DNAAF2: variants seen among roughly 807,000 people sequenced by gnomAD.
DNAAF2 encodes protein kintoun.
Under a neutral mutation model 48.8 loss-of-function variants are expected in DNAAF2, and 58 were observed. That is an observed-to-expected ratio of 1.19 (90% CI 0.96 to 1.48). DNAAF2 has a LOEUF of 1.48. DNAAF2 is among the 40% of genes most tolerant of loss of function. The pLI is 0.00. For missense variants in DNAAF2, 1,241 were observed against 1,116.1 expected (o/e 1.11, Z -1.59); for synonymous variants, 567 against 481.2 (o/e 1.18, Z -2.33).
rs776941259 is a variant in DNAAF2, at chr14:49,634,505, C to T, written c.645G>A (p.Gly215=). ...AGTCCGGGAGAGGACCCTTCGGCTC[C>T]CCGTCAGGCCTTGCGGGGATGACCC... ...LPGVIPARPD[G]EPKGPLPDFP... is the part of the protein sequence containing the mutation. Residue 215 remains glycine (G), a synonymous_variant, in exon 1 of 3, where the codon GGG becomes GGA. Transcript: ENST00000298292. 11 of 1,597,256 alleles carry T rather than the reference C, an allele frequency of 6.9e-6. No individual in the cohort carries two copies. The highest frequency in any genetic ancestry group is 6.8e-6 in the Non-Finnish European group (8 of 1,177,796).
chr14:49,629,289 T>A (rs2139575489), intron 1 of DNAAF2: 1 of 152,866 alleles, frequency 6.5e-6, no homozygotes, highest in East Asian at 1.9e-4. Flanking sequence ...TTTTCTTTTT[T>A]TTGCCTTGAG....
At chr14:49,626,104 T>C (rs1882999392) in intron 2 of DNAAF2, 56 bp from the exon 3 acceptor site, 1 of 1,302,760 alleles carries the variant, frequency 7.7e-7, no homozygotes, top group Non-Finnish European at 9.9e-7. Flanking sequence ...AAAATTAAAT[T>C]GTACTACCCT....
rs1327825114 is a variant in DNAAF2, at chr14:49,626,014, C to T, written c.2042G>A (p.Gly681Glu). 4 of 1,561,198 alleles carry T rather than the reference C, an allele frequency of 2.6e-6. No individual in the cohort carries two copies. The East Asian group carries it at 6.8e-5, about 27-fold the overall frequency. ...TTCTTCATTTACTCTTTCCTCCTTT[C>T]CTTGTAGCTGATCAGAGTTACTACA... is the stretch of plus-strand genomic sequence containing the variant. ...QECSNSDQLQ[G>E]KEERVNEESH... The change falls in exon 3 of 3, where the codon GGA becomes GAA. Residue 681 changes from glycine to glutamate, a missense_variant. By Grantham distance (98) the Gly-to-Glu change is moderately conservative. Coordinates refer to ENST00000298292, the MANE Select transcript of DNAAF2 (RefSeq NM_018139.3).
chr14:49,634,839 C>A lies in DNAAF2; in HGVS notation c.311G>T (p.Arg104Leu). Reference protein sequence around the residue: ...SNALVGAPSSRPGSGGDRGAA... With the variant: ...SNALVGAPSSLPGSGGDRGAA... ...GCCCCGGTCGCCACCGGAGCCGGGC[C>A]GGCTGCTGGGCGCGCCCACCAACGC... is the stretch of plus-strand genomic sequence containing the variant. The change falls in exon 1 of 3, where the codon CGG becomes CTG. Residue 104 changes from arginine to leucine, a missense_variant. Physicochemically the swap from Arg to Leu is moderately radical, Grantham distance 102. Coordinates refer to ENST00000298292, the MANE Select transcript of DNAAF2 (RefSeq NM_018139.3). 5.2e-6 allele frequency: 8 copies of A among 1,545,482 alleles called. No homozygotes were observed. The highest frequency in any genetic ancestry group is 7.0e-6 in the Non-Finnish European group (8 of 1,145,990).
rs1566512189 is a variant in DNAAF2 at position 49,633,990 on chromosome 14, T to C, written c.1160A>G (p.Glu387Gly). 7.9e-6 allele frequency: 12 copies of C among 1,523,500 alleles called. No individual in the cohort carries two copies. The highest frequency in any genetic ancestry group is 7.9e-6 in the Non-Finnish European group (9 of 1,142,072). 94.4% of individuals were successfully genotyped at this position (1,523,500 alleles called of 1,614,324 possible). A position where few individuals can be genotyped will look rare whatever the true frequency, so the allele number is the denominator to read the frequency against. ...GQACASAREG[E>G]AGPARSRAED... ...CGCGCGACTCCTCGCGGGTCCCGCC[T>C]CCCCCTCGCGAGCGGAAGCGCAGGC... is the stretch of plus-strand genomic sequence containing the variant. Residue 387 changes from glutamate (E) to glycine (G), a missense_variant, in exon 1 of 3, where the codon GAG becomes GGG. By Grantham distance (98) the Glu-to-Gly change is moderately conservative. Transcript: ENST00000298292.
chr14:49,634,991 C>A lies in DNAAF2; in HGVS notation c.159G>T (p.Glu53Asp). Residue 53 changes from glutamate (E) to aspartate (D), a missense_variant, in exon 1 of 3, where the codon GAG (glutamate) becomes GAT (aspartate). Physicochemically the swap from Glu to Asp is conservative, Grantham distance 45 (BLOSUM62 2). Transcript: ENST00000298292. Reference protein sequence around the residue: ...LTDPENRRRYEAEITALERER... With the variant: ...LTDPENRRRYDAEITALERER... The stretch of plus-strand genomic sequence containing the variant: ...CACGCTCTAGCGCGGTGATCTCCGC[C>A]TCGTAGCGCCGCCGGTTCTCCGGGT... The A allele has an allele frequency of 6.4e-7, 1 of 1,564,242 alleles. No individual in the cohort carries two copies.
At chr14:49,632,840 C>T (rs1024804263) in intron 1 of DNAAF2, among the ~76,000 whole-genome samples, 17 of 152,210 alleles carry the variant, frequency 1.1e-4, no homozygotes, top group Admixed American at 1.0e-3. Context: ...AAAAAAATTA[C>T]ATGTAACATT....
chr14:49,630,730 ACAAACTCTCTACAC>A (rs1566510089), intron 1 of DNAAF2, among the ~76,000 whole-genome samples: 3 of 72,604 alleles, frequency 4.1e-5, no homozygotes, highest in African/African-American at 1.2e-4. Flanking sequence ...ACACACACAC[ACAAACTCTCTACAC>A]ACACACACAC....
In DNAAF2 at chr14:49,633,272, G is replaced by A; in HGVS notation, c.1863+15C>T. On this transcript the variant is annotated intron_variant, in intron 1 of 2. Coordinates refer to ENST00000298292, the MANE Select transcript of DNAAF2 (RefSeq NM_018139.3). Reference sequence around the variant, plus strand: ...GGGATATTTCAAATATGAGGACTCTGGAAAGAACTGTTACCTCCAAAGAAT... The same window carrying A: ...GGGATATTTCAAATATGAGGACTCTAGAAAGAACTGTTACCTCCAAAGAAT... 6.2e-7 allele frequency: 1 copy of A among 1,610,742 alleles called. No individual in the cohort carries two copies. Among genetic ancestry groups the A allele is most frequent in the Non-Finnish European group, 8.5e-7 (1 of 1,177,572 alleles).
chr14:49,634,308 T>TG lies in DNAAF2; in HGVS notation c.841dup (p.His281ProfsTer2). The TG allele has an allele frequency of 6.2e-7, 1 of 1,611,890 alleles. No individual in the cohort carries two copies. Among genetic ancestry groups the TG allele is most frequent in the East Asian group, 2.2e-5 (1 of 44,854 alleles). On this transcript the variant is annotated frameshift_variant, in exon 1 of 3. Transcript: ENST00000298292. LOFTEE classifies it high-confidence loss of function. ...CAGTTCGATGGTGATCACCAGCTCATGGGGCACGGGGCTCGGGGCTGAGTC... is the reference window on the plus strand; with the variant it reads ...CAGTTCGATGGTGATCACCAGCTCATGGGGGCACGGGGCTCGGGGCTGAGTC...
Position 49,633,622 on chromosome 14 carries a change from T to C in DNAAF2, c.1528A>G (p.Met510Val). 1 of 1,613,544 alleles carries C rather than the reference T, an allele frequency of 6.2e-7. No individual in the cohort carries two copies. The highest frequency in any genetic ancestry group is 8.5e-7 in the Non-Finnish European group (1 of 1,179,742). The change falls in exon 1 of 3, where the codon ATG becomes GTG. Residue 510 changes from methionine (M) to valine (V), a missense_variant. Coordinates refer to ENST00000298292, the MANE Select transcript of DNAAF2 (RefSeq NM_018139.3). ...CCGCTCTTGGTCCCGGGACCACCCA[T>C]GGCGCAGGCTGAGCGCTGGCCGCCC... Reference protein sequence around the residue: ...GTGGQRSACAMGGPGTKSGEP... With the variant: ...GTGGQRSACAVGGPGTKSGEP...
chr14:49,633,374 G>A lies in DNAAF2; in HGVS notation c.1776C>T (p.Asn592=), dbSNP rs2139580527. Reference sequence around the variant, plus strand: ...ATTTTGCCAGTTCTATCACTGCATTGTTTGAAGAAATGCTAATCACAGGTT... The same window carrying A: ...ATTTTGCCAGTTCTATCACTGCATTATTTGAAGAAATGCTAATCACAGGTT... ...TTEPVISISS[N]NAVIELAKSP... Residue 592 remains asparagine (N), a synonymous_variant, in exon 1 of 3, where the codon AAC becomes AAT. Coordinates refer to ENST00000298292, the MANE Select transcript of DNAAF2 (RefSeq NM_018139.3). 1.9e-6 allele frequency: 3 copies of A among 1,614,040 alleles called. No individual in the cohort carries two copies. The highest frequency in any genetic ancestry group is 1.7e-6 in the Non-Finnish European group (2 of 1,179,896).
Position 49,634,162 on chromosome 14 carries a change from G to A in DNAAF2, c.988C>T (p.Arg330Cys). The A allele has an allele frequency of 3.1e-6, 5 of 1,600,784 alleles. No individual in the cohort carries two copies. Among genetic ancestry groups the A allele is most frequent in the Non-Finnish European group, 4.3e-6 (5 of 1,174,790 alleles). The part of the protein sequence containing the change: ...LSLPYPVDDG[R>C]GKAQFNKARR... Reference sequence around the variant, plus strand: ...GCCTTGTTGAATTGTGCCTTGCCGCGGCCATCGTCCACTGGGTACGGGAGC... The same window carrying A: ...GCCTTGTTGAATTGTGCCTTGCCGCAGCCATCGTCCACTGGGTACGGGAGC... The change falls in exon 1 of 3, where the codon CGC becomes TGC. Residue 330 changes from arginine to cysteine, a missense_variant. Arg to Cys is a radical substitution (Grantham distance 180). Transcript: ENST00000298292.
At position 49,633,425 on chromosome 14, in the gene DNAAF2, A is replaced by G; in HGVS notation, c.1725T>C (p.Ala575=). The G allele has an allele frequency of 6.2e-7, 1 of 1,614,048 alleles. No individual in the cohort carries two copies. The highest frequency in any genetic ancestry group is 1.3e-5 in the African/African-American group (1 of 75,054). Residue 575 remains alanine (A), a synonymous_variant, in exon 1 of 3, where the codon GCT becomes GCC. Transcript: ENST00000298292. The part of the protein sequence containing the change: ...DLVYSFFLQF[A]PENKLSTTEP... ...CTGTGGTACTCAATTTATTCTCTGG[A>G]GCAAATTGCAAAAAGAAGGAATAAA...
Position 49,633,331 on chromosome 14 carries a change from G to A in DNAAF2, c.1819C>T (p.His607Tyr), listed in dbSNP as rs753065418. The A allele has an allele frequency of 6.2e-7, 1 of 1,614,018 alleles. No individual in the cohort carries two copies. Among genetic ancestry groups the A allele is most frequent in the Admixed American group, 1.7e-5 (1 of 60,020 alleles). The change falls in exon 1 of 3, where the codon CAT becomes TAT. Residue 607 changes from histidine to tyrosine, a missense_variant. Transcript: ENST00000298292. ...ELAKSPESHG[H>Y]WREWYYGVNN... The stretch of plus-strand genomic sequence containing the variant: ...ACACCATAATACCACTCTCTCCAAT[G>A]TCCATGGCTCTCTGGAGATTTTGCC...
At chr14:49,633,212 G>A in intron 1 of DNAAF2, 75 bp downstream of exon 1, 1 of 1,549,048 alleles carries the variant, frequency 6.5e-7, no homozygotes, top group East Asian at 2.3e-5. Flanking sequence ...GAGCCACCGC[G>A]CCCGGCCGGT....
chr14:49,625,970 C>G lies in DNAAF2; in HGVS notation c.2086G>C (p.Glu696Gln). 6.2e-7 allele frequency: 1 copy of G among 1,603,982 alleles called. No individual in the cohort carries two copies. The highest frequency in any genetic ancestry group is 8.5e-7 in the Non-Finnish European group (1 of 1,177,024). The change falls in exon 3 of 3, where the codon GAA becomes CAA. Residue 696 changes from glutamate to glutamine, a missense_variant. Coordinates refer to ENST00000298292, the MANE Select transcript of DNAAF2 (RefSeq NM_018139.3). ...VNEESHLTEK[E>Q]YIEHCNTPTT... The stretch of plus-strand genomic sequence containing the variant: ...GGGGTGTTACAATGTTCTATATATT[C>G]CTTTTCAGTTAGATGACTTTCTTCA...
rs1488459981 is a variant in DNAAF2, at chr14:49,625,557, T to C, written c.2499A>G (p.Leu833=). 1 of 1,592,818 alleles carries C rather than the reference T, an allele frequency of 6.3e-7. No individual in the cohort carries two copies. Among genetic ancestry groups the C allele is most frequent in the Non-Finnish European group, 8.5e-7 (1 of 1,170,642 alleles). Reference sequence around the variant, plus strand: ...TTATATAGAATTAATCCAAATCATATAGCAAAGAATTCTGAAAACTGAATG... The same window carrying C: ...TTATATAGAATTAATCCAAATCATACAGCAAAGAATTCTGAAAACTGAATG... The part of the protein sequence containing the change: ...NCAFSFQNSL[L]YDLD Residue 833 remains leucine (L), a synonymous_variant, in exon 3 of 3, where the codon CTA becomes CTG. Transcript: ENST00000298292.
In DNAAF2 at chr14:49,634,351, C is replaced by G; in HGVS notation, c.799G>C (p.Asp267His). ...VVQRHHVDLQ[D>H]YRCSRDSAPS... is the part of the protein sequence containing the mutation. The stretch of plus-strand genomic sequence containing the variant: ...GCTGAGTCCCTGGAGCAGCGGTAAT[C>G]CTGGAGGTCCACGTGGTGGCGCTGC... Residue 267 changes from aspartate (D) to histidine (H), a missense_variant, in exon 1 of 3, where the codon GAT becomes CAT. Physicochemically the swap from Asp to His is moderately conservative, Grantham distance 81. Transcript: ENST00000298292. 6.2e-7 allele frequency: 1 copy of G among 1,609,602 alleles called. No homozygotes were observed. The highest frequency in any genetic ancestry group is 8.5e-7 in the Non-Finnish European group (1 of 1,178,616).
Sources: gnomAD v4.1 joint callset for allele counts (sites outside exome capture counted in the v4.1 genomes callset) on GRCh38, gnomAD v4.1.1 for gene constraint, MANE v1.5 for transcripts, NCBI Gene and HGNC (gene_info 2026-07-23, HGNC 2026-07-21) for gene names.